HPR: variants seen among roughly 807,000 people sequenced by gnomAD.
The protein encoded by HPR is Haptoglobin-related locus.
Under a neutral mutation model 18.5 loss-of-function variants are expected in HPR, and 17 were observed. That is an observed-to-expected ratio of 0.92 (90% CI 0.63 to 1.38). HPR has a LOEUF of 1.38. HPR is among the 40% of genes most tolerant of loss of function. HPR has a pLI of 0.00. For synonymous variants in HPR, 176 were observed against 165.0 expected (o/e 1.07, Z -0.51); for missense variants, 457 against 432.4 (o/e 1.06, Z -0.51).
intron 3 of HPR, 148 bp from the exon 4 acceptor site, chr16:72,074,997 C>T (rs961768422): frequency 1.2e-5 from 15 of 1,291,612 alleles, no homozygotes; most frequent in Non-Finnish European, 1.7e-5. Flanking sequence ...CTTTCCCTTC[C>T]TCCTTCTCGT....
intron 1 of HPR, among the ~76,000 whole-genome samples, chr16:72,072,713 T>A (rs917897986): frequency 6.6e-6 from 1 of 152,194 alleles, no homozygotes; most frequent in East Asian, 1.9e-4. Context: ...AAAAGCTCAT[T>A]GAAACAGCTC....
At chr16:72,073,685 G>C in intron 1 of HPR, 1 of 1,461,966 alleles carries the variant, frequency 6.8e-7, no homozygotes, top group Non-Finnish European at 9.1e-7. Flanking sequence ...AAGCGTGTAT[G>C]TGGGGCGGAG....
Position 72,074,219 on chromosome 16 carries a change from A to G in HPR, c.92-65A>G, listed in dbSNP as rs1374068414. ...GTGCAGAGCAGCTTCCACTCATCTG[A>G]CTTTTCATGGGTCTCTGGGAACAAT... On this transcript the variant is annotated intron_variant, in intron 2 of 4. Coordinates refer to ENST00000540303, the MANE Select transcript of HPR (RefSeq NM_020995.4). 4.7e-6 allele frequency: 7 copies of G among 1,473,896 alleles called. No individual in the cohort carries two copies. In the African/African-American group the frequency reaches 8.2e-5, roughly 17 times the overall value. The allele number at this position is 1,473,896 out of a possible 1,614,324, so 91.3% of individuals were successfully genotyped here. A position where few individuals can be genotyped will look rare whatever the true frequency, so the allele number is the denominator to read the frequency against.
At chr16:72,064,995 G>C (rs2041582737) in intron 1 of HPR, among the ~76,000 whole-genome samples, 1 of 152,158 alleles carries the variant, frequency 6.6e-6, no homozygotes, top group Non-Finnish European at 1.5e-5. Context: ...GCAGACCAAG[G>C]TAAGAAATGT....
chr16:72,074,723 C>T (rs1034080554), intron 3 of HPR: 76 of 705,140 alleles, frequency 1.1e-4, no homozygotes, highest in Admixed American at 6.2e-4. Context: ...TGTCCTGGCA[C>T]TGCTCTAAGG....
At chr16:72,068,798 T>C (rs1034522962) in intron 1 of HPR, among the ~76,000 whole-genome samples, 3 of 152,038 alleles carry the variant, frequency 2.0e-5, no homozygotes, top group Admixed American at 6.6e-5. Flanking sequence ...CCCCACCAAG[T>C]TAGAGAGCTA....
intron 1 of HPR, among the ~76,000 whole-genome samples, chr16:72,064,844 G>A (rs191506713): frequency 1.3e-5 from 2 of 152,268 alleles, no homozygotes; most frequent in East Asian, 3.9e-4. Context: ...CCTCTTGTGA[G>A]GAGACACATC....
intron 1 of HPR, among the ~76,000 whole-genome samples, chr16:72,070,955 AC>A (rs2041648729): frequency 6.6e-6 from 1 of 152,148 alleles, no homozygotes; most frequent in South Asian, 2.1e-4. Flanking sequence ...ACCCCACCAA[AC>A]TGTAAGCCAC....
chr16:72,075,631 A>G (rs137860255), intron 4 of HPR, among the ~76,000 whole-genome samples: 28 of 152,296 alleles, frequency 1.8e-4, no homozygotes, highest in African/African-American at 6.0e-4. Context: ...ATTAGGAGGA[A>G]CTGTTGCTCT....
chr16:72,075,112 T>C lies in HPR; in HGVS notation c.194-33T>C, dbSNP rs1395171690. ...TCTGCTCTGGGTGCAGACTTGACTTTTCCTTTGGCTCATTTCTTGCCTTTT... is the reference window on the plus strand; with the variant it reads ...TCTGCTCTGGGTGCAGACTTGACTTCTCCTTTGGCTCATTTCTTGCCTTTT... On this transcript the variant is annotated intron_variant, in intron 3 of 4. Transcript: ENST00000540303. 5 of 790,866 alleles carry C rather than the reference T, an allele frequency of 6.3e-6. No individual in the cohort carries two copies. In the Admixed American group the frequency reaches 8.0e-5, roughly 13 times the overall value. 49.0% of individuals were successfully genotyped at this position (790,866 alleles called of 1,614,324 possible). A position where few individuals can be genotyped will look rare whatever the true frequency, so the allele number is the denominator to read the frequency against.
chr16:72,074,542 G>A (rs1208340218), intron 3 of HPR, 157 bp downstream of exon 3: 26 of 764,120 alleles, frequency 3.4e-5, no homozygotes, highest in Non-Finnish European at 5.2e-5. Flanking sequence ...AGTAGCCATG[G>A]CCCTTTGGGC....
intron 1 of HPR, among the ~76,000 whole-genome samples, chr16:72,070,411 T>G (rs2041642008): frequency 6.6e-6 from 1 of 152,124 alleles, no homozygotes; most frequent in South Asian, 2.1e-4. Flanking sequence ...CATGTCCTCA[T>G]AAAAGGGTGG....
At chr16:72,071,296 TA>T (rs2144069131) in intron 1 of HPR, among the ~76,000 whole-genome samples, 1 of 152,296 alleles carries the variant, frequency 6.6e-6, no homozygotes, top group South Asian at 2.1e-4. Flanking sequence ...AATGCTTGGC[TA>T]AAATGGATTA....
At position 72,076,404 on chromosome 16, in the gene HPR, C is replaced by T. The variant is rs755160104; in HGVS notation, c.370C>T (p.His124Tyr). Residue 124 changes from histidine (H) to tyrosine (Y), a missense_variant, in exon 5 of 5, where the codon CAC becomes TAC. His to Tyr is a moderately conservative substitution (Grantham distance 83). Coordinates refer to ENST00000540303, the MANE Select transcript of HPR (RefSeq NM_020995.4). ...TCCCTGGCAGGCTAAGATGGTTTCC[C>T]ACCATAATCTCACCACAGGGGCCAC... Reference protein sequence around the residue: ...SFPWQAKMVSHHNLTTGATLI... With the variant: ...SFPWQAKMVSYHNLTTGATLI... 1.9e-6 allele frequency: 3 copies of T among 1,614,158 alleles called. No individual in the cohort carries two copies. Among genetic ancestry groups the T allele is most frequent in the Middle Eastern group, 1.6e-4 (1 of 6,062 alleles).
intron 1 of HPR, among the ~76,000 whole-genome samples, chr16:72,070,886 C>T (rs964993068): frequency 6.6e-6 from 1 of 152,078 alleles, no homozygotes; most frequent in Admixed American, 6.6e-5. Flanking sequence ...ACAGCCAGGC[C>T]CCCTTTTTCA....
chr16:72,070,461 T>C (rs1479890920), intron 1 of HPR, among the ~76,000 whole-genome samples: 1 of 152,154 alleles, frequency 6.6e-6, no homozygotes, highest in East Asian at 1.9e-4. Flanking sequence ...AGGACCCTAC[T>C]TGGTGCTCCT....
intron 1 of HPR, among the ~76,000 whole-genome samples, chr16:72,070,863 G>T (rs1347302800): frequency 6.6e-6 from 1 of 152,152 alleles, no homozygotes; most frequent in Non-Finnish European, 1.5e-5. Flanking sequence ...AAACCACTCA[G>T]TATGGAGGGT....
intron 1 of HPR, among the ~76,000 whole-genome samples, chr16:72,064,155 A>G (rs1226151722): frequency 2.0e-5 from 3 of 152,208 alleles, no homozygotes; most frequent in Non-Finnish European, 4.4e-5. Flanking sequence ...TCCTGCTTTC[A>G]GACACCAGTT....
intron 1 of HPR, among the ~76,000 whole-genome samples, chr16:72,069,161 C>CTTG (rs1357000387): frequency 2.0e-4 from 31 of 152,280 alleles, no homozygotes; most frequent in African/African-American, 7.2e-4. Context: ...AGGAAGGAAC[C>CTTG]ATCTATACTG....
Sources: allele counts gnomAD v4.1 joint callset (sites outside exome capture counted in the v4.1 genomes callset), GRCh38; gene constraint gnomAD v4.1.1; transcripts MANE v1.5; gene names NCBI Gene and HGNC (gene_info 2026-07-23, HGNC 2026-07-21).